PTPRK: variants seen among roughly 807,000 people sequenced by gnomAD.
PTPRK encodes the protein protein tyrosine phosphatase receptor type K, also known as receptor-type tyrosine-protein phosphatase kappa.
A neutral mutation model predicts 178.0 loss-of-function variants in PTPRK; 75 were observed. The ratio of observed to expected loss-of-function variants is 0.42; its 90% CI spans 0.35 to 0.51. The LOEUF (loss-of-function observed/expected upper bound fraction) is 0.51, where lower values mean the gene tolerates loss of function less well. PTPRK is among the 20% of genes least tolerant of loss of function. PTPRK has a pLI of 0.02. For missense variants in PTPRK, 1,441 were observed against 1,797.8 expected (o/e 0.80, Z 3.59); for synonymous variants, 637 against 620.6 (o/e 1.03, Z -0.39).
chr6:128,184,291 T>A (rs549705549), intron 7 of PTPRK, 141 bp downstream of exon 7: 22 of 872,752 alleles, frequency 2.5e-5, no homozygotes, highest in African/African-American at 2.4e-4. Context: ...ATCAAGGTGA[T>A]GATTTATGTA....
At chr6:128,394,766 C>G (rs1002292880) in intron 2 of PTPRK, among the ~76,000 whole-genome samples, 4 of 152,174 alleles carry the variant, frequency 2.6e-5, no homozygotes, top group Non-Finnish European at 5.9e-5. Flanking sequence ...ATTGATGGTA[C>G]TGTATCTCCT....
intron 2 of PTPRK, among the ~76,000 whole-genome samples, chr6:128,366,488 A>G (rs1284388045): frequency 6.6e-6 from 1 of 152,154 alleles, no homozygotes; most frequent in East Asian, 1.9e-4. Flanking sequence ...TTTACTAAGC[A>G]TCTATTTGTA....
intron 11 of PTPRK, among the ~76,000 whole-genome samples, chr6:128,077,191 C>T (rs1264742535): frequency 2.0e-5 from 3 of 152,016 alleles, no homozygotes; most frequent in Admixed American, 1.3e-4. Flanking sequence ...CAGGTAGGAA[C>T]ATGTGAATGA....
chr6:128,112,548 C>T (rs1297909592), intron 7 of PTPRK, among the ~76,000 whole-genome samples: 1 of 152,038 alleles, frequency 6.6e-6, no homozygotes, highest in Non-Finnish European at 1.5e-5. Flanking sequence ...ACAATAAAAG[C>T]ATGTGACAGA....
chr6:128,226,543 C>T (rs990090930), intron 5 of PTPRK, among the ~76,000 whole-genome samples: 3 of 151,610 alleles, frequency 2.0e-5, no homozygotes, highest in African/African-American at 7.3e-5. Flanking sequence ...GGCTTTAAGA[C>T]CAGGGGTGAG....
chr6:128,228,659 C>CAA (rs67092827), intron 5 of PTPRK, among the ~76,000 whole-genome samples: 6 of 111,672 alleles, frequency 5.4e-5, no homozygotes, highest in African/African-American at 2.0e-4. Flanking sequence ...GACTCCATCT[C>CAA]AAAAAAAAAA....
intron 7 of PTPRK, among the ~76,000 whole-genome samples, chr6:128,128,089 T>C (rs1793663905): frequency 6.6e-6 from 1 of 152,222 alleles, no homozygotes; most frequent in Admixed American, 6.5e-5. Flanking sequence ...AAGTTTAGTT[T>C]TTGCTTTTAT....
chr6:128,493,226 A>G (rs1854090200), intron 1 of PTPRK, among the ~76,000 whole-genome samples: 1 of 152,184 alleles, frequency 6.6e-6, no homozygotes, highest in African/African-American at 2.4e-5. Context: ...TGCAATTTTT[A>G]AAAATTTATT....
intron 15 of PTPRK, among the ~76,000 whole-genome samples, chr6:128,000,901 A>G (rs1042616748): frequency 7.2e-5 from 11 of 152,072 alleles, no homozygotes; most frequent in African/African-American, 2.4e-4. Flanking sequence ...TGAGAAACAC[A>G]GAATTCACCC....
At chr6:128,029,467 A>T (rs1774901842) in intron 13 of PTPRK, among the ~76,000 whole-genome samples, 2 of 151,952 alleles carry the variant, frequency 1.3e-5, no homozygotes, top group South Asian at 4.2e-4. Flanking sequence ...CTTGGCTAAC[A>T]TGGTGAAACC....
intron 7 of PTPRK, among the ~76,000 whole-genome samples, chr6:128,178,752 A>G (rs1255866717): frequency 6.6e-6 from 1 of 151,792 alleles, no homozygotes; most frequent in Non-Finnish European, 1.5e-5. Flanking sequence ...TAGCTTCCAG[A>G]GATGGGATGA....
At chr6:128,243,966 A>C (rs1397673112) in intron 3 of PTPRK, among the ~76,000 whole-genome samples, 1 of 152,172 alleles carries the variant, frequency 6.6e-6, no homozygotes, top group Non-Finnish European at 1.5e-5. Context: ...AAGTAGTGGG[A>C]ATGGTGAGAT....
At chr6:128,500,606 T>C (rs541571167) in intron 1 of PTPRK, 35 of 152,340 alleles carry the variant, frequency 2.3e-4, no homozygotes, top group African/African-American at 8.2e-4. Flanking sequence ...TGAGAGTTTA[T>C]ATGAACATAT....
chr6:127,992,286 A>C lies in PTPRK; in HGVS notation c.2881+387T>G, dbSNP rs1279959292. On this transcript the variant is annotated intron_variant, in intron 19 of 29. Coordinates refer to ENST00000368226, the MANE Select transcript of PTPRK (RefSeq NM_002844.4). Reference sequence around the variant, plus strand: ...GCTCAGTATAACAGCTCATTATAACAATATTGGTCTTGGGTACTACTAACA... The same window carrying C: ...GCTCAGTATAACAGCTCATTATAACCATATTGGTCTTGGGTACTACTAACA... Among the ~76,000 whole-genome samples, 3 of 151,698 alleles carry C rather than the reference A, an allele frequency of 2.0e-5. No homozygotes were observed. In the East Asian group the frequency reaches 5.8e-4, roughly 29 times the overall value.
At chr6:128,098,618 T>A (rs958302914) in intron 7 of PTPRK, among the ~76,000 whole-genome samples, 1 of 152,114 alleles carries the variant, frequency 6.6e-6, no homozygotes, top group Non-Finnish European at 1.5e-5. Flanking sequence ...TGAGAGTTTG[T>A]GGTTAGTTGT....
At chr6:128,098,053 GT>G (rs988667402) in intron 7 of PTPRK, among the ~76,000 whole-genome samples, 37 of 152,190 alleles carry the variant, frequency 2.4e-4, no homozygotes, top group African/African-American at 8.7e-4. Flanking sequence ...TACCTCTTAT[GT>G]TGTTCTGAAA....
chr6:128,158,948 A>G (rs564056853), intron 7 of PTPRK, among the ~76,000 whole-genome samples: 26 of 151,898 alleles, frequency 1.7e-4, no homozygotes, highest in Non-Finnish European at 3.4e-4. Context: ...TAATTTTTGA[A>G]GTTCTTACCT....
chr6:128,493,548 G>A (rs1368339359), intron 1 of PTPRK, among the ~76,000 whole-genome samples: 3 of 147,368 alleles, frequency 2.0e-5, no homozygotes, highest in Admixed American at 6.8e-5. Flanking sequence ...GTGAAAGAGC[G>A]AGACTCCGTC....
rs760937483 is a variant in PTPRK at position 127,996,484 on chromosome 6, T to A, written c.2767+417A>T. Among the ~76,000 whole-genome samples the A allele has an allele frequency of 1.3e-5, 2 of 152,148 alleles. 1 individual carries two copies. Among genetic ancestry groups the A allele is most frequent in the South Asian group, 4.1e-4 (2 of 4,830 alleles). ...ATGTTGTTTTTGTTTGTTGTTGTTGTTTTTTGAGACAGAGTCTCGCTTTGT... is the reference window on the plus strand; with the variant it reads ...ATGTTGTTTTTGTTTGTTGTTGTTGATTTTTGAGACAGAGTCTCGCTTTGT... On this transcript the variant is annotated intron_variant, in intron 17 of 29. Coordinates refer to ENST00000368226, the MANE Select transcript of PTPRK (RefSeq NM_002844.4).
Sources: gnomAD v4.1 joint callset for allele counts (sites outside exome capture counted in the v4.1 genomes callset) on GRCh38, gnomAD v4.1.1 for gene constraint, MANE v1.5 for transcripts, NCBI Gene and HGNC (gene_info 2026-07-23, HGNC 2026-07-21) for gene names.